NR5A1: variants seen among roughly 807,000 people sequenced by gnomAD.
The protein encoded by NR5A1 is steroidogenic factor 1.
NR5A1 carries 6 observed loss-of-function variants against 42.7 expected under a neutral mutation model. The observed-to-expected ratio is 0.14, with a 90% confidence interval of 0.08 to 0.28. The LOEUF (loss-of-function observed/expected upper bound fraction) is 0.28. NR5A1 is among the 10% of genes least tolerant of loss of function. NR5A1 has a pLI of 1.00. For missense variants in NR5A1, 442 were observed against 626.4 expected (o/e 0.71, Z 3.14); for synonymous variants, 274 against 277.5 (o/e 0.99, Z 0.12).
At chr9:124,495,089 G>T (rs1832370674) in intron 4 of NR5A1, among the ~76,000 whole-genome samples, 1 of 152,064 alleles carries the variant, frequency 6.6e-6, no homozygotes, top group Non-Finnish European at 1.5e-5. Flanking sequence ...AAAGAGGGAG[G>T]TCTGTGTCCA....
chr9:124,504,910 C>G (rs1487285743), intron 1 of NR5A1, among the ~76,000 whole-genome samples: 1 of 147,238 alleles, frequency 6.8e-6, no homozygotes, highest in Non-Finnish European at 1.5e-5. Flanking sequence ...CTGTTCCCCC[C>G]CGCACCGCCG....
chr9:124,498,871 A>G lies in NR5A1; in HGVS notation c.870+1219T>C, dbSNP rs1257830620. On this transcript the variant is annotated intron_variant, in intron 4 of 6. Transcript: ENST00000373588. This position sits in a 1 kb window ranked among gnomAD's most constrained non-coding sequence, Gnocchi z 4.6. ...TCGACTCCCAGATGGCCCAGGCCCCAGTCCCGCGATGCCCCTAGGGCTCGG... is the reference window on the plus strand; with the variant it reads ...TCGACTCCCAGATGGCCCAGGCCCCGGTCCCGCGATGCCCCTAGGGCTCGG... 2.0e-5 allele frequency among the ~76,000 whole-genome samples: 3 copies of G among 152,192 alleles called. No homozygotes were observed. The highest frequency in any genetic ancestry group is 4.4e-5 in the Non-Finnish European group (3 of 68,024).
Position 124,503,683 on chromosome 9 carries a change from C to T in NR5A1, c.-15-273G>A, listed in dbSNP as rs977863073. On this transcript the variant is annotated intron_variant, in intron 1 of 6. Transcript: ENST00000373588. This position sits in a 1 kb window ranked among gnomAD's most constrained non-coding sequence, Gnocchi z 9.6. ...CCCGTCGCGCCCGATCTGGGGCCCT[C>T]GGGTTCGATGCGCTTCGATTGGGAT... Among the ~76,000 whole-genome samples the T allele has an allele frequency of 2.0e-5, 3 of 152,228 alleles. No homozygotes were observed. The highest frequency in any genetic ancestry group is 4.8e-5 in the African/African-American group (2 of 41,468).
intron 1 of NR5A1, among the ~76,000 whole-genome samples, chr9:124,506,592 C>G (rs1470841313): frequency 1.3e-5 from 2 of 152,212 alleles, no homozygotes; most frequent in Non-Finnish European, 2.9e-5. Flanking sequence ...GCCCCAGCCG[C>G]CGGGGTTGGG....
Position 124,503,510 on chromosome 9 carries a change from C to T in NR5A1, c.-15-100G>A. On this transcript the variant is annotated intron_variant, in intron 1 of 6. Coordinates refer to ENST00000373588, the MANE Select transcript of NR5A1 (RefSeq NM_004959.5). The surrounding 1 kb of genome is among the most constrained non-coding windows in gnomAD (Gnocchi z 9.6). Reference sequence around the variant, plus strand: ...CGCTGTCGCCGGCCCGTCGCGTAATCCCCTCTCTGTGCCCAGGCGCTGCCG... The same window carrying T: ...CGCTGTCGCCGGCCCGTCGCGTAATTCCCTCTCTGTGCCCAGGCGCTGCCG... 3 of 973,244 alleles carry T rather than the reference C, an allele frequency of 3.1e-6. No homozygotes were observed. The highest frequency in any genetic ancestry group is 3.4e-5 in the South Asian group (2 of 58,218). 60.3% of individuals were successfully genotyped at this position (973,244 alleles called of 1,614,324 possible).
Position 124,500,877 on chromosome 9 carries a change from AT to A in NR5A1, c.245-163del. On this transcript the variant is annotated intron_variant, in intron 3 of 6. Coordinates refer to ENST00000373588, the MANE Select transcript of NR5A1 (RefSeq NM_004959.5). The surrounding 1 kb of genome is among the most constrained non-coding windows in gnomAD (Gnocchi z 6.9). ...GGGAAGTCAGTCTCCTTTGCCTGGC[AT>A]TCAAGGCCCTGCTCAGCTTTTCAGG... is the stretch of plus-strand genomic sequence containing the variant. 8.8e-7 allele frequency: 1 copy of A among 1,142,280 alleles called. No individual in the cohort carries two copies. The allele number at this position is 1,142,280 out of a possible 1,614,324, so 70.8% of individuals were successfully genotyped here.
chr9:124,484,874 G>A (rs1206854069), intron 6 of NR5A1, among the ~76,000 whole-genome samples: 1 of 152,224 alleles, frequency 6.6e-6, no homozygotes, highest in African/African-American at 2.4e-5. Flanking sequence ...CCTTTGGGGA[G>A]GGGTGGAGGG....
intron 6 of NR5A1, among the ~76,000 whole-genome samples, chr9:124,486,111 G>C (rs145146998): frequency 0.012 from 1,755 of 152,270 alleles, 24 homozygotes; most frequent in African/African-American, 0.04. Flanking sequence ...CGGGGGTGCG[G>C]GGGTGGGTGC....
At chr9:124,506,801 TG>T (rs1259194317) in intron 1 of NR5A1, among the ~76,000 whole-genome samples, 1 of 152,034 alleles carries the variant, frequency 6.6e-6, no homozygotes, top group Non-Finnish European at 1.5e-5. Flanking sequence ...AGCCTAGACC[TG>T]GCCCGGCCGC....
In NR5A1 at chr9:124,482,617, G is replaced by T; in HGVS notation, c.*141C>A. 1 of 981,022 alleles carries T rather than the reference G, an allele frequency of 1.0e-6. No individual in the cohort carries two copies. Among genetic ancestry groups the T allele is most frequent in the Non-Finnish European group, 1.5e-6 (1 of 657,088 alleles). The allele number at this position is 981,022 out of a possible 1,614,324, so 60.8% of individuals were successfully genotyped here. On this transcript the variant is annotated 3_prime_UTR_variant, in exon 7 of 7. Transcript: ENST00000373588. ...AAACACACAGTGTCAGAACTCAGGG[G>T]CAGCGGCCTCTGGGACGGGGCTGGG...
chr9:124,489,431 C>A (rs916337926), intron 6 of NR5A1, among the ~76,000 whole-genome samples: 2 of 152,266 alleles, frequency 1.3e-5, no homozygotes, highest in Non-Finnish European at 2.9e-5. Flanking sequence ...CACACAAACT[C>A]TTCACACAGG....
rs913567557 is a variant in NR5A1 at position 124,496,521 on chromosome 9, G to C, written c.871-3372C>G. On this transcript the variant is annotated intron_variant, in intron 4 of 6. Transcript: ENST00000373588. The surrounding 1 kb of genome is among the most constrained non-coding windows in gnomAD (Gnocchi z 5.0). ...GCTCTGCAGGCTGCCTCAGAGACCC[G>C]GTATTTATGGGTGCCAAGCTGACCT... is the stretch of plus-strand genomic sequence containing the variant. Among the ~76,000 whole-genome samples the C allele has an allele frequency of 5.9e-5, 9 of 152,080 alleles. No homozygotes were observed. Among genetic ancestry groups the C allele is most frequent in the African/African-American group, 2.2e-4 (9 of 41,408 alleles).
At position 124,500,221 on chromosome 9, in the gene NR5A1, A is replaced by G. The variant is rs1224716069; in HGVS notation, c.739T>C (p.Cys247Arg). Residue 247 changes from cysteine to arginine, a missense_variant, in exon 4 of 7, where the codon TGC (cysteine) becomes CGC (arginine). This residue lies in a region of NR5A1 where 208 missense variants were observed against 203.8 expected (regional missense o/e 1.02). Coordinates refer to ENST00000373588, the MANE Select transcript of NR5A1 (RefSeq NM_004959.5). The surrounding 1 kb of genome is among the most constrained non-coding windows in gnomAD (Gnocchi z 6.9). ...CGGCTTTTGGTGGGCTCCTGCAGGCAGCCCAAGATGCGGGCCCGCACCTGG... is the reference window on the plus strand; with the variant it reads ...CGGCTTTTGGTGGGCTCCTGCAGGCGGCCCAAGATGCGGGCCCGCACCTGG... ...EDQVRARILG[C>R]LQEPTKSRPD... 9.3e-6 allele frequency: 15 copies of G among 1,608,618 alleles called. No homozygotes were observed. The highest frequency in any genetic ancestry group is 1.3e-5 in the Non-Finnish European group (15 of 1,177,420).
rs1205898442 is a variant in NR5A1 at position 124,503,473 on chromosome 9, C to A, written c.-15-63G>T. On this transcript the variant is annotated intron_variant, in intron 1 of 6. Coordinates refer to ENST00000373588, the MANE Select transcript of NR5A1 (RefSeq NM_004959.5). This position sits in a 1 kb window ranked among gnomAD's most constrained non-coding sequence, Gnocchi z 9.6. Reference sequence around the variant, plus strand: ...ACCGGCAGCCTGGGGTCCCCGCGGCCGCCGCCCCAGCCGCTGTCGCCGGCC... The same window carrying A: ...ACCGGCAGCCTGGGGTCCCCGCGGCAGCCGCCCCAGCCGCTGTCGCCGGCC... 7.2e-7 allele frequency: 1 copy of A among 1,387,188 alleles called. No individual in the cohort carries two copies. Among genetic ancestry groups the A allele is most frequent in the East Asian group, 2.6e-5 (1 of 38,458 alleles). 85.9% of individuals were successfully genotyped at this position (1,387,188 alleles called of 1,614,324 possible). A position where few individuals can be genotyped will look rare whatever the true frequency, so the allele number is the denominator to read the frequency against.
chr9:124,498,873 T>A lies in NR5A1; in HGVS notation c.870+1217A>T, dbSNP rs1245488265. ...GACTCCCAGATGGCCCAGGCCCCAG[T>A]CCCGCGATGCCCCTAGGGCTCGGAG... On this transcript the variant is annotated intron_variant, in intron 4 of 6. Transcript: ENST00000373588. The surrounding 1 kb of genome is among the most constrained non-coding windows in gnomAD (Gnocchi z 4.6). 2.0e-5 allele frequency among the ~76,000 whole-genome samples: 3 copies of A among 152,046 alleles called. No individual in the cohort carries two copies. The East Asian group carries it at 5.8e-4, about 29-fold the overall frequency.
intron 6 of NR5A1, among the ~76,000 whole-genome samples, chr9:124,483,436 T>C (rs1051570291): frequency 6.6e-6 from 1 of 152,212 alleles, no homozygotes; most frequent in Non-Finnish European, 1.5e-5. Context: ...GTGACGACAG[T>C]ACCAACTTCA....
chr9:124,492,654 C>A (rs1832332952), intron 5 of NR5A1, among the ~76,000 whole-genome samples: 2 of 152,110 alleles, frequency 1.3e-5, no homozygotes, highest in Non-Finnish European at 2.9e-5. Context: ...ACACTTCCAC[C>A]CTCTCTGAGC....
intron 1 of NR5A1, among the ~76,000 whole-genome samples, chr9:124,504,083 G>A (rs1028383662): frequency 6.6e-6 from 1 of 151,482 alleles, no homozygotes; most frequent in East Asian, 1.9e-4. Flanking sequence ...GAAACGAGGG[G>A]TGGGGGATTG....
chr9:124,503,351 C>A lies in NR5A1; in HGVS notation c.45G>T (p.Val15=). 2 of 1,611,752 alleles carry A rather than the reference C, an allele frequency of 1.2e-6. 1 individual carries two copies. The highest frequency in any genetic ancestry group is 3.3e-4 in the Middle Eastern group (2 of 6,006). ...GGTAGCCGGACACCTTGTCCCCGCA[C>A]ACGGGGCACAGCTCGTCCAGGTCCT... ...YDEDLDELCP[V]CGDKVSGYHY... Residue 15 remains valine (V), a synonymous_variant, in exon 2 of 7, where the codon GTG becomes GTT. Transcript: ENST00000373588. The surrounding 1 kb of genome is among the most constrained non-coding windows in gnomAD (Gnocchi z 9.6).
Sources: gnomAD v4.1 joint callset for allele counts (sites outside exome capture counted in the v4.1 genomes callset) on GRCh38, gnomAD v4.1.1 for gene constraint, gnomAD v4.1.1 regional missense constraint, Gnocchi (gnomAD v3.1) non-coding constraint, MANE v1.5 for transcripts, NCBI Gene and HGNC (gene_info 2026-07-23, HGNC 2026-07-21) for gene names.